OPCML: variants seen among roughly 807,000 people sequenced by gnomAD.
The protein encoded by OPCML is opioid-binding protein/cell adhesion molecule.
A neutral mutation model predicts 37.8 loss-of-function variants in OPCML; 13 were observed. That is an observed-to-expected ratio of 0.34 (90% confidence interval 0.22 to 0.55). The LOEUF (loss-of-function observed/expected upper bound fraction) is 0.55. Among genes scored for constraint, OPCML ranks in the 20% least tolerant of loss-of-function variants. The probability of loss-of-function intolerance (pLI) is 0.91; values close to 1 mark genes in which losing one functional copy is unlikely to be tolerated. For missense variants in OPCML, 341 were observed against 435.6 expected, an observed-to-expected ratio of 0.78 and a Z score of 1.93; for synonymous variants, 176 against 168.8, an observed-to-expected ratio of 1.04 and a Z score of -0.33.
At position 132,782,352 on chromosome 11, in the gene OPCML, C is replaced by T. The variant is rs146302434; in HGVS notation, c.147-125033G>A. 2.3e-3 allele frequency among the ~76,000 whole-genome samples: 354 copies of T among 152,292 alleles called. 2 individuals are homozygous for T. The highest frequency in any genetic ancestry group is 8.1e-3 in the African/African-American group (335 of 41,566). On this transcript the variant is annotated intron_variant, in intron 2 of 7. Coordinates refer to ENST00000524381, the MANE Select transcript of OPCML (RefSeq NM_001012393.5). The stretch of plus-strand genomic sequence containing the variant: ...CTGGCATGGCACTGCACACCCACCA[C>T]GGAGCTGAATTAGGCTAATGAGGGC...
At chr11:132,796,369 G>A (rs1033991308) in intron 2 of OPCML, among the ~76,000 whole-genome samples, 2 of 152,042 alleles carry the variant, frequency 1.3e-5, no homozygotes, top group Non-Finnish European at 2.9e-5. Flanking sequence ...AAGTTTTTGT[G>A]TAGATATATG....
chr11:132,968,160 T>C (rs1010469430), intron 1 of OPCML, among the ~76,000 whole-genome samples: 1 of 152,228 alleles, frequency 6.6e-6, no homozygotes, highest in Non-Finnish European at 1.5e-5. Context: ...TAAATAATAT[T>C]GTGCTTTTAA....
intron 1 of OPCML, among the ~76,000 whole-genome samples, chr11:133,170,731 C>T (rs923828760): frequency 4.0e-5 from 6 of 151,710 alleles, no homozygotes; most frequent in African/African-American, 1.5e-4. Context: ...TTTACCTCAC[C>T]ACCCATAGAA....
chr11:132,642,201 TG>T (rs1416122361), intron 3 of OPCML, among the ~76,000 whole-genome samples: 1 of 152,204 alleles, frequency 6.6e-6, no homozygotes, highest in Non-Finnish European at 1.5e-5. Context: ...GCAAAACCTA[TG>T]ATGAAAGCTT....
intron 2 of OPCML, among the ~76,000 whole-genome samples, chr11:132,930,357 G>A (rs2136626823): frequency 6.6e-6 from 1 of 152,126 alleles, no homozygotes; most frequent in African/African-American, 2.4e-5. Context: ...GGGTGAGACA[G>A]TGTGGCACCC....
chr11:132,688,956 CAAAAAAAAAAAA>C (rs749705629), intron 2 of OPCML, among the ~76,000 whole-genome samples: 1 of 14,446 alleles, frequency 6.9e-5, no homozygotes, highest in Non-Finnish European at 1.2e-4. Flanking sequence ...GACTCCGTCT[CAAAAAAAAAAAA>C]AAAAAAAAAA....
chr11:132,431,658 C>G (rs751072290), intron 7 of OPCML, among the ~76,000 whole-genome samples: 1 of 152,234 alleles, frequency 6.6e-6, no homozygotes, highest in African/African-American at 2.4e-5. Context: ...ACTCACCAAC[C>G]CATTGTCTCC....
intron 1 of OPCML, among the ~76,000 whole-genome samples, chr11:133,466,045 T>A (rs1946971211): frequency 6.6e-6 from 1 of 152,212 alleles, no homozygotes; most frequent in Non-Finnish European, 1.5e-5. Context: ...TTGGAGTGTC[T>A]GAATCATAAC....
intron 3 of OPCML, among the ~76,000 whole-genome samples, chr11:132,535,132 A>C (rs1052069034): frequency 1.3e-5 from 2 of 151,170 alleles, no homozygotes; most frequent in East Asian, 1.9e-4. Flanking sequence ...ATCTACATAG[A>C]GTATATGTAG....
intron 2 of OPCML, among the ~76,000 whole-genome samples, chr11:132,873,219 A>C (rs1778756715): frequency 6.6e-6 from 1 of 152,208 alleles, no homozygotes; most frequent in African/African-American, 2.4e-5. Context: ...AGATTTCATA[A>C]CAATTCTATT....
intron 1 of OPCML, among the ~76,000 whole-genome samples, chr11:133,484,115 T>C (rs1947473392): frequency 1.9e-5 from 2 of 105,430 alleles, no homozygotes; most frequent in South Asian, 4.9e-4. Context: ...AGATAGATGA[T>C]AGATAGATGA....
At chr11:132,458,432 C>A (rs2096089840) in intron 4 of OPCML, among the ~76,000 whole-genome samples, 1 of 152,148 alleles carries the variant, frequency 6.6e-6, no homozygotes, top group African/African-American at 2.4e-5. Context: ...GATTCCTTTT[C>A]AGCCTGTCTT....
At chr11:132,614,324 T>G (rs898192471) in intron 3 of OPCML, among the ~76,000 whole-genome samples, 3 of 152,176 alleles carry the variant, frequency 2.0e-5, no homozygotes, top group African/African-American at 7.2e-5. Flanking sequence ...CCTGTCACCA[T>G]GAAAATCATA....
At chr11:132,956,855 G>T (rs374602519) in intron 1 of OPCML, among the ~76,000 whole-genome samples, 1 of 152,152 alleles carries the variant, frequency 6.6e-6, no homozygotes, top group Admixed American at 6.5e-5. Context: ...ACAAGGCCAG[G>T]CATGGTGGCT....
At chr11:132,961,374 A>G (rs1312673108) in intron 1 of OPCML, among the ~76,000 whole-genome samples, 1 of 152,210 alleles carries the variant, frequency 6.6e-6, no homozygotes, top group Admixed American at 6.5e-5. Context: ...AGAGCCCAAG[A>G]TATAAACAAA....
At chr11:132,624,585 C>T (rs75530300) in intron 3 of OPCML, among the ~76,000 whole-genome samples, 4 of 152,046 alleles carry the variant, frequency 2.6e-5, no homozygotes, top group Non-Finnish European at 5.9e-5. Context: ...TCTGCTTGCT[C>T]TACCCACTAC....
intron 3 of OPCML, among the ~76,000 whole-genome samples, chr11:132,641,409 A>T (rs572049921): frequency 9.2e-5 from 14 of 152,166 alleles, no homozygotes; most frequent in Admixed American, 8.5e-4. Flanking sequence ...GTCCTGTTTG[A>T]GATGCTCCCA....
chr11:132,555,293 A>C (rs1278569377), intron 3 of OPCML, among the ~76,000 whole-genome samples: 2 of 152,166 alleles, frequency 1.3e-5, no homozygotes, highest in South Asian at 2.1e-4. Context: ...GAGGCCTCAC[A>C]ATCATGGCAG....
chr11:132,736,319 T>A (rs1168257148), intron 2 of OPCML, among the ~76,000 whole-genome samples: 1 of 152,190 alleles, frequency 6.6e-6, no homozygotes, highest in Non-Finnish European at 1.5e-5. Flanking sequence ...CTAGAACTGA[T>A]GTAAATGATG....
Sources: allele counts gnomAD v4.1 joint callset (sites outside exome capture counted in the v4.1 genomes callset), GRCh38; gene constraint gnomAD v4.1.1; transcripts MANE v1.5; gene names NCBI Gene and HGNC (gene_info 2026-07-23, HGNC 2026-07-21).